Variants in CNTNAP2 observed in about 807,000 individuals in gnomAD.
The protein encoded by CNTNAP2 is contactin-associated protein-like 2.
A neutral mutation model predicts 155.2 loss-of-function variants in CNTNAP2; 98 were observed. The observed-to-expected ratio is 0.63, with a 90% CI of 0.54 to 0.75. The LOEUF is 0.75. CNTNAP2 is among the 30% of genes least tolerant of loss of function. The pLI is 0.00. For missense variants in CNTNAP2, 1,727 were observed against 1,688.1 expected (o/e 1.02, Z -0.40); for synonymous variants, 651 against 631.2 (o/e 1.03, Z -0.47).
intron 1 of CNTNAP2, among the ~76,000 whole-genome samples, chr7:146,433,178 C>T (rs1796195508): frequency 6.6e-6 from 1 of 152,172 alleles, no homozygotes; most frequent in Non-Finnish European, 1.5e-5. Context: ...TCCATGTTCT[C>T]TCTGCTAAAT....
intron 3 of CNTNAP2, among the ~76,000 whole-genome samples, chr7:146,946,825 C>T (rs1202794573): frequency 6.8e-6 from 1 of 146,778 alleles, no homozygotes; most frequent in Non-Finnish European, 1.5e-5. Flanking sequence ...TCAAAAACTG[C>T]AATTACTTTT....
intron 8 of CNTNAP2, among the ~76,000 whole-genome samples, chr7:147,236,026 GA>G (rs1803796385): frequency 6.6e-6 from 1 of 152,020 alleles, no homozygotes; most frequent in African/African-American, 2.4e-5. Context: ...TTTCCAACTG[GA>G]AAAATCCTGG....
intron 11 of CNTNAP2, 58 bp downstream of exon 11, chr7:147,486,099 A>G: frequency 5.4e-6 from 8 of 1,480,830 alleles, no homozygotes; most frequent in Non-Finnish European, 7.6e-6. Flanking sequence ...TCAAGTCTTG[A>G]GCTGTGCTTT....
intron 8 of CNTNAP2, among the ~76,000 whole-genome samples, chr7:147,174,349 A>G (rs1802292048): frequency 6.6e-6 from 1 of 152,150 alleles, no homozygotes; most frequent in South Asian, 2.1e-4. Flanking sequence ...CCAGGTATCC[A>G]TTCTTTCAAT....
intron 1 of CNTNAP2, among the ~76,000 whole-genome samples, chr7:146,444,746 C>T (rs551391726): frequency 7.3e-5 from 11 of 151,440 alleles, no homozygotes; most frequent in African/African-American, 2.7e-4. Flanking sequence ...CAACTTCTGC[C>T]CCCCAGGTTC....
intron 15 of CNTNAP2, among the ~76,000 whole-genome samples, chr7:148,106,751 TA>T (rs1343663254): frequency 1.3e-5 from 2 of 152,144 alleles, no homozygotes; most frequent in East Asian, 3.8e-4. Context: ...TTATTTTTAC[TA>T]AATCAAAACT....
intron 3 of CNTNAP2, among the ~76,000 whole-genome samples, chr7:146,852,632 C>A (rs13228526): frequency 0.29 from 43,817 of 152,020 alleles, 6,331 homozygotes; most frequent in African/African-American, 0.33. Context: ...TTCCAGCAAA[C>A]ATGCATTCTA....
intron 21 of CNTNAP2, among the ~76,000 whole-genome samples, chr7:148,331,716 C>CAGATGGAGT (rs1563045936): frequency 6.2e-5 from 2 of 32,356 alleles, no homozygotes; most frequent in East Asian, 7.6e-4. Flanking sequence ...ATGGAGTGGA[C>CAGATGGAGT]GGATGGATTG....
intron 13 of CNTNAP2, among the ~76,000 whole-genome samples, chr7:147,749,168 C>A (rs1022398802): frequency 2.1e-4 from 32 of 152,088 alleles, no homozygotes; most frequent in African/African-American, 6.5e-4. Flanking sequence ...ATGTGTTTGG[C>A]AAATTTTTCT....
intron 20 of CNTNAP2, among the ~76,000 whole-genome samples, chr7:148,248,089 C>A (rs1796304621): frequency 6.6e-6 from 1 of 152,164 alleles, no homozygotes; most frequent in Non-Finnish European, 1.5e-5. Context: ...TGGAATATTT[C>A]TAATATCCCA....
intron 11 of CNTNAP2, among the ~76,000 whole-genome samples, chr7:147,503,898 T>A (rs1355634151): frequency 6.6e-6 from 1 of 152,194 alleles, no homozygotes; most frequent in East Asian, 1.9e-4. Flanking sequence ...CTCTGTGGGT[T>A]TAAAGAACCC....
chr7:146,639,089 A>G (rs1204034406), intron 1 of CNTNAP2, among the ~76,000 whole-genome samples: 6 of 152,248 alleles, frequency 3.9e-5, no homozygotes, highest in African/African-American at 1.4e-4. Context: ...TGTGAAGCAT[A>G]GTTGACTGAA....
At chr7:146,741,851 G>A (rs76613439) in intron 1 of CNTNAP2, among the ~76,000 whole-genome samples, 2,338 of 152,264 alleles carry the variant, frequency 0.015, 62 homozygotes, top group African/African-American at 0.054. Flanking sequence ...CAGGAATGGA[G>A]AGGGTACCGA....
intron 13 of CNTNAP2, among the ~76,000 whole-genome samples, chr7:147,902,778 T>TTGTGTGTGTGTGTGTGTGTGTGTG (rs564991239): frequency 7.3e-6 from 1 of 136,728 alleles, no homozygotes; most frequent in East Asian, 2.1e-4. Context: ...TCATATATGT[T>TTGTGTGTGTGTGTGTGTGTGTGTG]TGTGTGTGTG....
At chr7:147,327,763 C>CT (rs780284502) in intron 9 of CNTNAP2, among the ~76,000 whole-genome samples, 8 of 152,116 alleles carry the variant, frequency 5.3e-5, no homozygotes, top group Non-Finnish European at 8.8e-5. Flanking sequence ...GAAAAGCTCT[C>CT]TTCCTTCCAC....
intron 13 of CNTNAP2, among the ~76,000 whole-genome samples, chr7:147,682,079 G>A (rs1165423994): frequency 6.6e-6 from 1 of 151,850 alleles, no homozygotes; most frequent in Non-Finnish European, 1.5e-5. Context: ...TTGATATAAT[G>A]TAGGTGACAG....
At chr7:147,600,281 T>C (rs998638302) in intron 12 of CNTNAP2, among the ~76,000 whole-genome samples, 1 of 152,192 alleles carries the variant, frequency 6.6e-6, no homozygotes, top group Non-Finnish European at 1.5e-5. Flanking sequence ...TTTTTGCTTT[T>C]TTGCTTGTTA....
At chr7:146,799,103 T>C (rs887347492) in intron 2 of CNTNAP2, among the ~76,000 whole-genome samples, 6 of 152,246 alleles carry the variant, frequency 3.9e-5, no homozygotes, top group Non-Finnish European at 7.3e-5. Context: ...GTGTCCAGAC[T>C]GTATTTGCTA....
chr7:147,858,081 T>C (rs1414008097), intron 13 of CNTNAP2, among the ~76,000 whole-genome samples: 1 of 152,176 alleles, frequency 6.6e-6, no homozygotes, highest in Non-Finnish European at 1.5e-5. Flanking sequence ...TTAATCAAAA[T>C]GAAAATACTC....
Sources: allele counts gnomAD v4.1 joint callset (sites outside exome capture counted in the v4.1 genomes callset), GRCh38; gene constraint gnomAD v4.1.1; transcripts MANE v1.5; gene names NCBI Gene and HGNC (gene_info 2026-07-23, HGNC 2026-07-21).